Variants in DAPK2 observed in about 807,000 individuals in gnomAD.
DAPK2 encodes death-associated protein kinase 2.
A neutral mutation model predicts 44.1 loss-of-function variants in DAPK2; 35 were observed. The observed-to-expected ratio is 0.79, with a 90% confidence interval of 0.61 to 1.05. The LOEUF (loss-of-function observed/expected upper bound fraction) is 1.05. Among genes scored for constraint, DAPK2 ranks in the 50% least tolerant of loss-of-function variants. The pLI, the probability that DAPK2 is intolerant of heterozygous loss-of-function variation, is 0.00. For synonymous variants in DAPK2, 174 were observed against 182.6 expected (o/e 0.95, Z 0.38); for missense variants, 453 against 483.2 (o/e 0.94, Z 0.59).
chr15:63,971,958 G>A (rs1415250381), intron 2 of DAPK2, among the ~76,000 whole-genome samples: 1 of 152,194 alleles, frequency 6.6e-6, no homozygotes, highest in Non-Finnish European at 1.5e-5. Flanking sequence ...TAACCCCCAA[G>A]GTGATGGTAT....
intron 3 of DAPK2, among the ~76,000 whole-genome samples, chr15:63,949,879 G>C (rs1221594012): frequency 6.6e-6 from 1 of 152,248 alleles, no homozygotes; most frequent in East Asian, 1.9e-4. Context: ...GCTGAATGTT[G>C]AATGTAAGGA....
chr15:64,017,321 C>T (rs1332901890), intron 1 of DAPK2, among the ~76,000 whole-genome samples: 1 of 152,218 alleles, frequency 6.6e-6, no homozygotes, highest in Non-Finnish European at 1.5e-5. Context: ...ATCTACCCTG[C>T]TGCCTCACAG....
chr15:64,000,617 G>A (rs926674834), intron 1 of DAPK2, among the ~76,000 whole-genome samples: 1 of 152,086 alleles, frequency 6.6e-6, no homozygotes, highest in African/African-American at 2.4e-5. Flanking sequence ...AGGTATGCAG[G>A]GGGAAAAAAA....
In DAPK2 at chr15:63,966,931, A is replaced by C. The variant is rs921603268; in HGVS notation, c.453+4492T>G. Among the ~76,000 whole-genome samples, 30 of 152,228 alleles carry C rather than the reference A, an allele frequency of 2.0e-4. No individual in the cohort carries two copies. The highest frequency in any genetic ancestry group is 7.2e-4 in the Admixed American group (11 of 15,284). On this transcript the variant is annotated intron_variant, in intron 3 of 10. Coordinates refer to ENST00000261891, the Ensembl canonical transcript of DAPK2. This position sits in a 1 kb window ranked among gnomAD's most constrained non-coding sequence, Gnocchi z 5.5. ...CGCAGTGGCTCACACCTGTAATCCC[A>C]GCACTTTGGGAGGCCGAGGTGGGCG...
intron 1 of DAPK2, among the ~76,000 whole-genome samples, chr15:64,000,752 G>A (rs2079063385): frequency 6.6e-6 from 1 of 152,136 alleles, no homozygotes; most frequent in South Asian, 2.1e-4. Flanking sequence ...AGCCACATGA[G>A]GGCACTCAGA....
chr15:63,984,333 C>T lies in DAPK2; in HGVS notation c.93-579G>A, dbSNP rs533013125. ...CAAGCCTCAAAGTCAGATACCCAACCGGCTGTCCACAAAGCCTCTGAGATA... is the reference window on the plus strand; with the variant it reads ...CAAGCCTCAAAGTCAGATACCCAACTGGCTGTCCACAAAGCCTCTGAGATA... On this transcript the variant is annotated intron_variant, in intron 1 of 10. Transcript: ENST00000261891. Among the ~76,000 whole-genome samples, 11 of 152,342 alleles carry T rather than the reference C, an allele frequency of 7.2e-5. No individual in the cohort carries two copies. The East Asian group carries it at 1.2e-3, about 16-fold the overall frequency.
At position 63,945,791 on chromosome 15, in the gene DAPK2, C is replaced by T. The variant is rs539720251; in HGVS notation, c.454-6430G>A. Among the ~76,000 whole-genome samples, 10 of 152,296 alleles carry T rather than the reference C, an allele frequency of 6.6e-5. No homozygotes were observed. The East Asian group carries it at 1.9e-3, about 29-fold the overall frequency. On this transcript the variant is annotated intron_variant, in intron 3 of 10. Transcript: ENST00000261891. ...CTTCAAGCTCTGGGCTCTGCAGTTT[C>T]GAGATGGCACAACCTCCCAAGCTGG...
At chr15:63,934,479 A>T (rs1329683016) in intron 4 of DAPK2, among the ~76,000 whole-genome samples, 2 of 150,468 alleles carry the variant, frequency 1.3e-5, no homozygotes, top group Admixed American at 6.6e-5. Context: ...CTGGTCTTGA[A>T]CTCCTGACCT....
chr15:63,955,736 T>G (rs2077705950), intron 3 of DAPK2, among the ~76,000 whole-genome samples: 1 of 151,860 alleles, frequency 6.6e-6, no homozygotes, highest in Admixed American at 6.6e-5. Flanking sequence ...CCCAGCTAAT[T>G]TTTGTATTTT....
chr15:64,036,583 G>A (rs1408591515), intron 1 of DAPK2, among the ~76,000 whole-genome samples: 1 of 151,634 alleles, frequency 6.6e-6, no homozygotes, highest in East Asian at 1.9e-4. Flanking sequence ...TTTTGCAAAT[G>A]GAATAAAGCA....
chr15:63,954,054 T>G (rs1436146093), intron 3 of DAPK2, among the ~76,000 whole-genome samples: 1 of 152,238 alleles, frequency 6.6e-6, no homozygotes, highest in East Asian at 1.9e-4. Context: ...TTCTGGTTAT[T>G]AATCCCTTGT....
At chr15:63,978,272 G>C (rs2078409647) in intron 2 of DAPK2, among the ~76,000 whole-genome samples, 2 of 152,276 alleles carry the variant, frequency 1.3e-5, no homozygotes, top group East Asian at 3.9e-4. Context: ...TCCACCCTTA[G>C]TCTGCCAGCC....
chr15:63,991,895 T>C (rs1226382642), intron 1 of DAPK2, among the ~76,000 whole-genome samples: 3 of 152,142 alleles, frequency 2.0e-5, no homozygotes, highest in African/African-American at 2.4e-5. Context: ...GACCTATAAA[T>C]GGCCCCTGTC....
chr15:64,001,916 C>A (rs1455584247), intron 1 of DAPK2, among the ~76,000 whole-genome samples: 1 of 152,232 alleles, frequency 6.6e-6, no homozygotes, highest in Non-Finnish European at 1.5e-5. Flanking sequence ...TTCTGACCCT[C>A]TTTGCTGAAA....
In DAPK2 at chr15:63,923,456, G is replaced by C; in HGVS notation, c.858+1360C>G. On this transcript the variant is annotated intron_variant, in intron 8 of 10. Transcript: ENST00000261891. The surrounding 1 kb of genome is among the most constrained non-coding windows in gnomAD (Gnocchi z 4.2). ...GCGGCCTCTGGCATTCACTGCATGC[G>C]TCAGGCCATGGGGAGAACCAGGGTG... is the stretch of plus-strand genomic sequence containing the variant. 1 of 1,460,040 alleles carries C rather than the reference G, an allele frequency of 6.8e-7. No homozygotes were observed. Among genetic ancestry groups the C allele is most frequent in the Non-Finnish European group, 9.0e-7 (1 of 1,109,530 alleles). 90.4% of individuals were successfully genotyped at this position (1,460,040 alleles called of 1,614,324 possible). A position where few individuals can be genotyped will look rare whatever the true frequency, so the allele number is the denominator to read the frequency against.
exon 1 of DAPK2, chr15:64,040,180 C>G: frequency 1.9e-6 from 3 of 1,613,894 alleles, no homozygotes; most frequent in South Asian, 2.2e-5. Flanking sequence ...CTCCCCAGCT[C>G]CTCTCCGATG....
Position 63,939,404 on chromosome 15 carries a change from AGAAAAAAAAAGACG to A in DAPK2, c.454-57_454-44del. ...GAAAAAAAAAAAAGGAAGGAAGAAA[AGAAAAAAAAAGACG>A]GTAATTAAAGGCTGGTTGGTTCGTG... On this transcript the variant is annotated intron_variant, in intron 3 of 10. Coordinates refer to ENST00000261891, the Ensembl canonical transcript of DAPK2. This position sits in a 1 kb window ranked among gnomAD's most constrained non-coding sequence, Gnocchi z 4.3. 6.4e-7 allele frequency: 1 copy of A among 1,554,056 alleles called. No homozygotes were observed. The highest frequency in any genetic ancestry group is 2.3e-5 in the East Asian group (1 of 44,334).
rs577006213 is a variant in DAPK2 at position 63,923,836 on chromosome 15, T to C, written c.858+980A>G. Among the ~76,000 whole-genome samples the C allele has an allele frequency of 1.3e-5, 2 of 152,260 alleles. No homozygotes were observed. The highest frequency in any genetic ancestry group is 2.9e-5 in the Non-Finnish European group (2 of 68,008). ...TCTTCCACAGGCCTCACCTTCTCTT[T>C]GTATTGATTGATTGATTATTATTTT... On this transcript the variant is annotated intron_variant, in intron 8 of 10. Coordinates refer to ENST00000261891, the Ensembl canonical transcript of DAPK2. This position sits in a 1 kb window ranked among gnomAD's most constrained non-coding sequence, Gnocchi z 4.2.
chr15:63,988,088 G>A (rs749910562), intron 1 of DAPK2, among the ~76,000 whole-genome samples: 54 of 152,020 alleles, frequency 3.6e-4, no homozygotes, highest in South Asian at 2.1e-4. Context: ...AAAACACCCC[G>A]CTTCTGCCAG....
Sources: allele counts gnomAD v4.1 joint callset (sites outside exome capture counted in the v4.1 genomes callset), GRCh38; gene constraint gnomAD v4.1.1; non-coding constraint Gnocchi (gnomAD v3.1); transcripts MANE v1.5; gene names NCBI Gene and HGNC (gene_info 2026-07-23, HGNC 2026-07-21).